Variants in FERMT2 observed in about 807,000 individuals in gnomAD.
FERMT2 encodes FERM domain containing kindlin 2, also known as fermitin family homolog 2.
Under a neutral mutation model 82.7 loss-of-function variants are expected in FERMT2, and 15 were observed. The observed-to-expected ratio is 0.18, with a 90% CI of 0.12 to 0.28. The LOEUF (loss-of-function observed/expected upper bound fraction) is 0.28, where lower values mean the gene tolerates loss of function less well. FERMT2 is among the 10% of genes least tolerant of loss of function. The probability of loss-of-function intolerance (pLI) is 1.00; values close to 1 mark genes in which losing one functional copy is unlikely to be tolerated. For synonymous variants in FERMT2, 274 were observed against 271.5 expected (o/e 1.01, Z -0.09); for missense variants, 645 against 809.4 (o/e 0.80, Z 2.46).
intron 8 of FERMT2, 83 bp from the exon 9 acceptor site, chr14:52,874,309 C>G: frequency 1.3e-6 from 1 of 740,748 alleles, no homozygotes; most frequent in Non-Finnish European, 2.1e-6. Flanking sequence ...CAAGAACTAG[C>G]TTACTTAATA....
At chr14:52,869,165 G>C (rs1247770210) in intron 10 of FERMT2, among the ~76,000 whole-genome samples, 1 of 152,158 alleles carries the variant, frequency 6.6e-6, no homozygotes, top group East Asian at 1.9e-4. Context: ...AACAGATCCT[G>C]AGAGCAACAA....
intron 10 of FERMT2, among the ~76,000 whole-genome samples, chr14:52,866,097 C>T (rs1459833048): frequency 6.6e-6 from 1 of 152,088 alleles, no homozygotes; most frequent in Non-Finnish European, 1.5e-5. Flanking sequence ...ATTTACAGTA[C>T]ACAATTCCAT....
At chr14:52,862,344 C>A (rs147023338) in intron 12 of FERMT2, among the ~76,000 whole-genome samples, 1 of 151,954 alleles carries the variant, frequency 6.6e-6, no homozygotes, top group African/African-American at 2.4e-5. Context: ...GGATTACAGG[C>A]GTGAGCCACT....
intron 3 of FERMT2, among the ~76,000 whole-genome samples, chr14:52,895,995 C>T (rs1887231777): frequency 6.6e-6 from 1 of 152,142 alleles, no homozygotes; most frequent in South Asian, 2.1e-4. Context: ...AGGCTGGTCT[C>T]CAAACTCCTT....
chr14:52,887,390 G>C (rs565466073), intron 4 of FERMT2, among the ~76,000 whole-genome samples: 1 of 152,090 alleles, frequency 6.6e-6, no homozygotes, highest in Non-Finnish European at 1.5e-5. Context: ...GCATCTGCCT[G>C]AAGTCCCAAC....
intron 4 of FERMT2, among the ~76,000 whole-genome samples, chr14:52,882,018 C>T (rs538849786): frequency 6.6e-6 from 1 of 152,032 alleles, no homozygotes; most frequent in Non-Finnish European, 1.5e-5. Context: ...CTAAGTAAAA[C>T]GGTTTTTTTT....
intron 2 of FERMT2, among the ~76,000 whole-genome samples, chr14:52,933,699 A>G (rs1889699153): frequency 6.8e-6 from 1 of 146,730 alleles, no homozygotes; most frequent in Admixed American, 6.9e-5. Context: ...AACAAGAGCA[A>G]AACTCCGTCT....
intron 3 of FERMT2, among the ~76,000 whole-genome samples, chr14:52,894,748 A>C (rs1050529889): frequency 6.6e-6 from 1 of 152,116 alleles, no homozygotes; most frequent in African/African-American, 2.4e-5. Context: ...TAACAATAGC[A>C]AAAATTAATT....
chr14:52,943,198 A>G lies in FERMT2; in HGVS notation c.157+7214T>C, dbSNP rs188600347. ...ACTCCAGCCTGGGTGACAAGAGCAA[A>G]ACTCTGTCTCAAAAGAAAAAAAAAT... On this transcript the variant is annotated intron_variant, in intron 2 of 14. Transcript: ENST00000341590. Among the ~76,000 whole-genome samples the G allele has an allele frequency of 8.3e-4, 104 of 124,756 alleles. 9 individuals are homozygous for G. Among genetic ancestry groups the G allele is most frequent in the Admixed American group, 1.2e-3 (15 of 12,962 alleles). 81.8% of individuals were successfully genotyped at this position (124,756 alleles called of 152,430 possible).
At chr14:52,896,552 C>CA (rs1887264115) in intron 3 of FERMT2, among the ~76,000 whole-genome samples, 1 of 152,214 alleles carries the variant, frequency 6.6e-6, no homozygotes, top group African/African-American at 2.4e-5. Flanking sequence ...TGACTCTGGA[C>CA]AAGCTACTCA....
intron 10 of FERMT2, among the ~76,000 whole-genome samples, chr14:52,872,458 C>T (rs1196957262): frequency 1.3e-5 from 2 of 152,160 alleles, no homozygotes; most frequent in South Asian, 2.1e-4. Context: ...CGCTTGAACC[C>T]GGGAGGCAGA....
chr14:52,928,777 C>T (rs1260868747), intron 2 of FERMT2, among the ~76,000 whole-genome samples: 10 of 152,200 alleles, frequency 6.6e-5, no homozygotes, highest in Admixed American at 6.5e-4. Context: ...GATTCAAACT[C>T]TTTCACCTTC....
At chr14:52,898,298 A>C (rs1369826575) in intron 3 of FERMT2, among the ~76,000 whole-genome samples, 1 of 152,164 alleles carries the variant, frequency 6.6e-6, no homozygotes, top group Non-Finnish European at 1.5e-5. Context: ...TTTTTAAAAA[A>C]CATACTACAG....
At chr14:52,905,564 G>A (rs182791835) in intron 3 of FERMT2, among the ~76,000 whole-genome samples, 26 of 152,332 alleles carry the variant, frequency 1.7e-4, no homozygotes, top group Middle Eastern at 6.8e-3. Flanking sequence ...AGTGGAGGGT[G>A]GAGATGGAGA....
chr14:52,880,765 T>G (rs1394818194), intron 6 of FERMT2, among the ~76,000 whole-genome samples: 1 of 151,364 alleles, frequency 6.6e-6, no homozygotes, highest in African/African-American at 2.4e-5. Flanking sequence ...CTCTAAGAGC[T>G]TAGAGATTAA....
intron 4 of FERMT2, among the ~76,000 whole-genome samples, chr14:52,886,925 A>G (rs1376486507): frequency 6.6e-6 from 1 of 152,206 alleles, no homozygotes; most frequent in South Asian, 2.1e-4. Context: ...ATTCATGTAT[A>G]AATTTTGTAA....
chr14:52,881,565 C>A lies in FERMT2; in HGVS notation c.527-96G>T, dbSNP rs1594944198. Reference sequence around the variant, plus strand: ...TTATGATATAAAGCACATTGTGAAACAAAAGTTTTATTCTGAAAGGAAAGC... The same window carrying A: ...TTATGATATAAAGCACATTGTGAAAAAAAAGTTTTATTCTGAAAGGAAAGC... On this transcript the variant is annotated intron_variant, in intron 4 of 14. Transcript: ENST00000341590. The A allele has an allele frequency of 2.9e-6, 3 of 1,020,958 alleles. No homozygotes were observed. The East Asian group carries it at 7.5e-5, about 26-fold the overall frequency. 63.2% of individuals were successfully genotyped at this position (1,020,958 alleles called of 1,614,324 possible).
At chr14:52,914,621 T>C (rs1320258211) in intron 3 of FERMT2, among the ~76,000 whole-genome samples, 1 of 151,068 alleles carries the variant, frequency 6.6e-6, no homozygotes, top group African/African-American at 2.4e-5. Context: ...ATTGCTTACA[T>C]AGAAAATCCA....
rs143717646 is a variant in FERMT2, at chr14:52,945,117, C to T, written c.157+5295G>A. Among the ~76,000 whole-genome samples the T allele has an allele frequency of 4.1e-4, 62 of 152,110 alleles. No individual in the cohort carries two copies. In the East Asian group the frequency reaches 0.011, roughly 27 times the overall value. On this transcript the variant is annotated intron_variant, in intron 2 of 14. Coordinates refer to ENST00000341590, the MANE Select transcript of FERMT2 (RefSeq NM_006832.3). ...AGAAACGGGATTTCACCATGTTGCC[C>T]GGCTGGTCTCAAACTCCTAGCTCAA... is the stretch of plus-strand genomic sequence containing the variant.
Sources: allele counts gnomAD v4.1 joint callset (sites outside exome capture counted in the v4.1 genomes callset), GRCh38; gene constraint gnomAD v4.1.1; transcripts MANE v1.5; gene names NCBI Gene and HGNC (gene_info 2026-07-23, HGNC 2026-07-21).